PACS1: variants seen among roughly 807,000 people sequenced by gnomAD.
PACS1 encodes the protein PACS-1.
PACS1 carries 24 observed loss-of-function variants against 115.0 expected under a neutral mutation model. That is an observed-to-expected ratio of 0.21 (90% confidence interval 0.15 to 0.29). The LOEUF is 0.29. PACS1 is among the 10% of genes least tolerant of loss of function. PACS1 has a pLI of 1.00. For synonymous variants in PACS1, 453 were observed against 504.5 expected, an observed-to-expected ratio of 0.90 and a Z score of 1.37; for missense variants, 838 against 1,251.2, an observed-to-expected ratio of 0.67 and a Z score of 4.98.
At chr11:66,142,467 A>G (rs1183302006) in intron 1 of PACS1, among the ~76,000 whole-genome samples, 1 of 151,818 alleles carries the variant, frequency 6.6e-6, no homozygotes, top group Non-Finnish European at 1.5e-5. Flanking sequence ...CACCACGCCC[A>G]GCTAATTTTT....
At chr11:66,085,148 A>G (rs1211731949) in intron 1 of PACS1, among the ~76,000 whole-genome samples, 1 of 152,188 alleles carries the variant, frequency 6.6e-6, no homozygotes, top group East Asian at 1.9e-4. Context: ...AGTCCAAAAC[A>G]TCATGTTTTT....
chr11:66,078,641 C>T (rs1446843904), intron 1 of PACS1, among the ~76,000 whole-genome samples: 1 of 152,216 alleles, frequency 6.6e-6, no homozygotes, highest in African/African-American at 2.4e-5. Flanking sequence ...TCAGCCTCAA[C>T]CTCCTGGGTT....
chr11:66,138,054 T>C (rs1316326345), intron 1 of PACS1, among the ~76,000 whole-genome samples: 1 of 151,854 alleles, frequency 6.6e-6, no homozygotes, highest in Non-Finnish European at 1.5e-5. Context: ...TCTGATTCAG[T>C]AGGTCTGGGG....
At position 66,086,276 on chromosome 11, in the gene PACS1, C is replaced by T. The variant is rs559912366; in HGVS notation, c.356+15434C>T. Among the ~76,000 whole-genome samples the T allele has an allele frequency of 9.2e-5, 14 of 151,750 alleles. No homozygotes were observed. The South Asian group carries it at 2.9e-3, about 32-fold the overall frequency. On this transcript the variant is annotated intron_variant, in intron 1 of 23. Transcript: ENST00000320580. ...GCCTCAGCCTCCCGAGTAGCTGGGA[C>T]TACAGGCGCCCGCTACCTCGCCCGG...
At chr11:66,127,451 C>CG (rs1389731672) in intron 1 of PACS1, among the ~76,000 whole-genome samples, 2 of 152,198 alleles carry the variant, frequency 1.3e-5, no homozygotes, top group Non-Finnish European at 2.9e-5. Context: ...TAGCAGAGAA[C>CG]CGCCTGGTCC....
At chr11:66,222,711 G>T (rs1043604020) in intron 10 of PACS1, among the ~76,000 whole-genome samples, 4 of 152,130 alleles carry the variant, frequency 2.6e-5, no homozygotes, top group Admixed American at 6.5e-5. Flanking sequence ...CCTGCAGATC[G>T]GTAGTAATTG....
chr11:66,132,809 C>T lies in PACS1; in HGVS notation c.357-60677C>T, dbSNP rs566144652. Among the ~76,000 whole-genome samples, 6 of 152,292 alleles carry T rather than the reference C, an allele frequency of 3.9e-5. No homozygotes were observed. In the South Asian group the frequency reaches 1.2e-3, roughly 32 times the overall value. On this transcript the variant is annotated intron_variant, in intron 1 of 23. Transcript: ENST00000320580. ...TTAGTCTGCTGATTAGCTGGGATTA[C>T]AGGCACATGCCACCACGCCCAGCTA...
intron 1 of PACS1, among the ~76,000 whole-genome samples, chr11:66,127,158 C>T (rs976596843): frequency 6.6e-6 from 1 of 152,186 alleles, no homozygotes; most frequent in African/African-American, 2.4e-5. Flanking sequence ...CCTCTGGTTC[C>T]TGTCTACACA....
intron 13 of PACS1, 100 bp from the exon 14 acceptor site, chr11:66,232,072 C>A: frequency 1.4e-6 from 1 of 717,842 alleles, no homozygotes; most frequent in Non-Finnish European, 2.5e-6. Context: ...TTCTCTCTAA[C>A]ACCCCTGCTC....
At chr11:66,130,660 T>C (rs185913001) in intron 1 of PACS1, among the ~76,000 whole-genome samples, 1 of 152,256 alleles carries the variant, frequency 6.6e-6, no homozygotes, top group Non-Finnish European at 1.5e-5. Flanking sequence ...GTTCTGTTGG[T>C]GTTGTGTTTA....
intron 1 of PACS1, among the ~76,000 whole-genome samples, chr11:66,142,319 A>AT (rs1198956266): frequency 6.6e-6 from 1 of 151,948 alleles, no homozygotes; most frequent in East Asian, 1.9e-4. Context: ...TTTAATTTTA[A>AT]TTTTTATTTT....
chr11:66,137,276 G>A (rs1445003214), intron 1 of PACS1, among the ~76,000 whole-genome samples: 2 of 152,068 alleles, frequency 1.3e-5, no homozygotes, highest in Non-Finnish European at 2.9e-5. Flanking sequence ...GTGTGTGTGT[G>A]TGTACTTAAA....
chr11:66,077,178 C>G (rs1258134301), intron 1 of PACS1, among the ~76,000 whole-genome samples: 1 of 152,206 alleles, frequency 6.6e-6, no homozygotes, highest in Non-Finnish European at 1.5e-5. Context: ...TTAGGCAGAC[C>G]TGCACCCTGC....
chr11:66,126,640 T>G, intron 1 of PACS1, among the ~76,000 whole-genome samples: 1 of 143,784 alleles, frequency 7.0e-6, no homozygotes, highest in East Asian at 2.0e-4. Context: ...TTGACACCAT[T>G]GGGAATTTTG....
intron 4 of PACS1, among the ~76,000 whole-genome samples, chr11:66,213,222 C>G (rs1331161363): frequency 6.6e-6 from 1 of 152,142 alleles, no homozygotes; most frequent in Non-Finnish European, 1.5e-5. Flanking sequence ...AGTTATGGAC[C>G]GTGGGTTCCT....
intron 3 of PACS1, 59 bp downstream of exon 3, chr11:66,210,510 G>A: frequency 1.7e-6 from 2 of 1,208,106 alleles, no homozygotes; most frequent in South Asian, 1.2e-5. Context: ...TCCCCAGACA[G>A]TCCTCTAACC....
At chr11:66,121,062 C>T (rs1460724094) in intron 1 of PACS1, 5 of 456,156 alleles carry the variant, frequency 1.1e-5, no homozygotes, top group Admixed American at 2.3e-5. Flanking sequence ...GGCAACCCTA[C>T]GTTGAGTAAG....
chr11:66,107,140 C>T (rs904019319), intron 1 of PACS1, among the ~76,000 whole-genome samples: 3 of 152,162 alleles, frequency 2.0e-5, no homozygotes, highest in Non-Finnish European at 2.9e-5. Flanking sequence ...TGACTCCCTG[C>T]GGACAGCACC....
chr11:66,155,927 A>G (rs1450698177), intron 1 of PACS1, among the ~76,000 whole-genome samples: 1 of 152,066 alleles, frequency 6.6e-6, no homozygotes, highest in Non-Finnish European at 1.5e-5. Context: ...GCTCAAAAAC[A>G]TGCTTTGTGA....
Sources: allele counts gnomAD v4.1 joint callset (sites outside exome capture counted in the v4.1 genomes callset), GRCh38; gene constraint gnomAD v4.1.1; transcripts MANE v1.5; gene names NCBI Gene and HGNC (gene_info 2026-07-23, HGNC 2026-07-21).